TIAL1: variants seen among roughly 807,000 people sequenced by gnomAD.
TIAL1 encodes TIA1 cytotoxic granule associated RNA binding protein like 1.
In TIAL1, 7 loss-of-function variants were observed where a neutral mutation model predicts 59.7. The ratio of observed to expected loss-of-function variants is 0.12; its 90% CI spans 0.07 to 0.22. TIAL1 has a LOEUF of 0.22. Ranked by LOEUF, TIAL1 falls within the 10% of genes least tolerant of loss-of-function variation. TIAL1 has a pLI of 1.00. For synonymous variants in TIAL1, 149 were observed against 146.3 expected (o/e 1.02, Z -0.13); for missense variants, 225 against 462.5 (o/e 0.49, Z 4.71).
At chr10:119,576,548 C>T (rs759691860) in intron 11 of TIAL1, 63 bp downstream of exon 11, 1 of 1,572,618 alleles carries the variant, frequency 6.4e-7, no homozygotes, top group Admixed American at 1.9e-5. Flanking sequence ...CCTAGGAAAA[C>T]ACACTTTTAT....
intron 10 of TIAL1, 153 bp from the exon 11 acceptor site, chr10:119,576,903 C>T: frequency 7.5e-7 from 1 of 1,335,218 alleles, no homozygotes; most frequent in Non-Finnish European, 1.0e-6. Flanking sequence ...GGGGTGGTGA[C>T]ACCTGTGAAA....
At chr10:119,595,728 T>G (rs1008741665) in intron 1 of TIAL1, among the ~76,000 whole-genome samples, 6 of 152,120 alleles carry the variant, frequency 3.9e-5, no homozygotes, top group Non-Finnish European at 8.8e-5. Flanking sequence ...CAAAAGGAGT[T>G]TAACAACTGG....
At chr10:119,594,183 T>C (rs896153460) in intron 1 of TIAL1, among the ~76,000 whole-genome samples, 2 of 152,152 alleles carry the variant, frequency 1.3e-5, no homozygotes. Context: ...TTTATTCATA[T>C]GAACATGTCA....
At chr10:119,578,614 G>C (rs138646806) in intron 7 of TIAL1, 112 bp downstream of exon 7, 74 of 970,830 alleles carry the variant, frequency 7.6e-5, no homozygotes, top group Admixed American at 1.2e-4. Flanking sequence ...CTGGGCAACA[G>C]AGCAAGACCC....
Position 119,582,929 on chromosome 10 carries a change from T to A in TIAL1, c.130-372A>T, listed in dbSNP as rs1459625476. Reference sequence around the variant, plus strand: ...TACTTTCCTTCTCCAATATTATTTTTAAATTACGTTCTACTTATGCATCAT... The same window carrying A: ...TACTTTCCTTCTCCAATATTATTTTAAAATTACGTTCTACTTATGCATCAT... On this transcript the variant is annotated intron_variant, in intron 2 of 11. Coordinates refer to ENST00000436547, the MANE Select transcript of TIAL1 (RefSeq NM_003252.4). This position sits in a 1 kb window ranked among gnomAD's most constrained non-coding sequence, Gnocchi z 5.1. Among the ~76,000 whole-genome samples the A allele has an allele frequency of 1.3e-5, 2 of 152,152 alleles. No homozygotes were observed. The highest frequency in any genetic ancestry group is 2.9e-5 in the Non-Finnish European group (2 of 67,986).
At position 119,575,023 on chromosome 10, in the gene TIAL1, CTT is replaced by C. The variant is rs1844915853; in HGVS notation, c.*640_*641del. On this transcript the variant is annotated 3_prime_UTR_variant, in exon 12 of 12. Coordinates refer to ENST00000436547, the MANE Select transcript of TIAL1 (RefSeq NM_003252.4). Reference sequence around the variant, plus strand: ...ACTTTTGGAAGTTTTAAAAATATGTCTTAACGTGGACCACCAACATTTGCTCA... The same window carrying C: ...ACTTTTGGAAGTTTTAAAAATATGTCAACGTGGACCACCAACATTTGCTCA... 1 of 152,620 alleles carries C rather than the reference CTT, an allele frequency of 6.6e-6. No individual in the cohort carries two copies. The highest frequency in any genetic ancestry group is 2.4e-5 in the African/African-American group (1 of 41,446). The allele number at this position is 152,620 out of a possible 1,614,324, so 9.5% of individuals were successfully genotyped here. A position where few individuals can be genotyped will look rare whatever the true frequency, so the allele number is the denominator to read the frequency against.
chr10:119,577,633 C>T lies in TIAL1; in HGVS notation c.652+8G>A. On this transcript the variant is annotated splice_region_variant and intron_variant, in intron 8 of 11. Coordinates refer to ENST00000436547, the MANE Select transcript of TIAL1 (RefSeq NM_003252.4). ...CCTCAGAGGTGATTAGAAAACCAAA[C>T]ATTGTACCTGTTAACCCAGACGCAA... The T allele has an allele frequency of 1.9e-6, 3 of 1,613,578 alleles. No homozygotes were observed. The highest frequency in any genetic ancestry group is 2.5e-6 in the Non-Finnish European group (3 of 1,179,504).
rs1194540404 is a variant in TIAL1, at chr10:119,574,290, T to C, written c.*1375A>G. 2 of 152,194 alleles carry C rather than the reference T, an allele frequency of 1.3e-5. No homozygotes were observed. The highest frequency in any genetic ancestry group is 1.5e-5 in the Non-Finnish European group (1 of 68,024). The allele number at this position is 152,194 out of a possible 1,614,324, so 9.4% of individuals were successfully genotyped here. ...TCTGCACACATACAACTTAAGCCTC[T>C]GCTCAGGCTTATTATACCATGCACA... On this transcript the variant is annotated 3_prime_UTR_variant, in exon 12 of 12. Transcript: ENST00000436547.
chr10:119,576,998 T>G, intron 10 of TIAL1, 82 bp downstream of exon 10: 1 of 1,528,668 alleles, frequency 6.5e-7, no homozygotes, highest in African/African-American at 1.4e-5. Context: ...TTTATTTTAT[T>G]GTTCATTTTA....
chr10:119,581,733 A>G (rs919054546), intron 5 of TIAL1, 189 bp downstream of exon 5: 3 of 498,654 alleles, frequency 6.0e-6, no homozygotes. Flanking sequence ...CGAGACCCCA[A>G]GACACTGAAA....
At chr10:119,577,271 A>G (rs2133989124) in intron 9 of TIAL1, 68 bp from the exon 10 acceptor site, 1 of 1,533,212 alleles carries the variant, frequency 6.5e-7, no homozygotes, top group Non-Finnish European at 8.7e-7. Context: ...AATAACATGG[A>G]AACTCATCAG....
At chr10:119,579,552 T>C (rs1845203051) in intron 6 of TIAL1, among the ~76,000 whole-genome samples, 1 of 152,218 alleles carries the variant, frequency 6.6e-6, no homozygotes, top group Admixed American at 6.5e-5. Context: ...TATAAGAGTA[T>C]GAATAATAAT....
chr10:119,596,650 G>T lies in TIAL1; in HGVS notation c.-185C>A. The T allele has an allele frequency of 1.8e-6, 1 of 544,298 alleles. No individual in the cohort carries two copies. 33.7% of individuals were successfully genotyped at this position (544,298 alleles called of 1,614,324 possible). ...CACTGCGCTCCAACCAGGAGGAGCA[G>T]GAGGAGGAGGAGGATGAACAAAATG... is the stretch of plus-strand genomic sequence containing the variant. On this transcript the variant is annotated 5_prime_UTR_variant, in exon 1 of 12. In the 5' UTR this introduces an upstream ATG that the reference lacks. Transcript: ENST00000436547.
chr10:119,582,102 T>C lies in TIAL1; in HGVS notation c.283+67A>G. 6.3e-7 allele frequency: 1 copy of C among 1,596,764 alleles called. No individual in the cohort carries two copies. Among genetic ancestry groups the C allele is most frequent in the Non-Finnish European group, 8.5e-7 (1 of 1,170,968 alleles). On this transcript the variant is annotated intron_variant, in intron 4 of 11. Transcript: ENST00000436547. This position sits in a 1 kb window ranked among gnomAD's most constrained non-coding sequence, Gnocchi z 5.1. ...CTAGAGGAGGAAAAAAAAACCTATT[T>C]AAGCTGGTAATGCCTCCTGGATAAT... is the stretch of plus-strand genomic sequence containing the variant.
chr10:119,584,202 GACATC>G (rs1214721157), intron 2 of TIAL1, among the ~76,000 whole-genome samples: 2 of 152,002 alleles, frequency 1.3e-5, no homozygotes, highest in South Asian at 2.1e-4. Flanking sequence ...TATATTCACT[GACATC>G]ACATATTTTA....
intron 1 of TIAL1, among the ~76,000 whole-genome samples, chr10:119,591,302 G>A (rs977500668): frequency 6.6e-6 from 1 of 152,080 alleles, no homozygotes; most frequent in Non-Finnish European, 1.5e-5. Flanking sequence ...CTACTTGGGG[G>A]AGGCTGAGGC....
At chr10:119,592,817 CAAAG>C (rs1564746618) in intron 1 of TIAL1, among the ~76,000 whole-genome samples, 2 of 151,682 alleles carry the variant, frequency 1.3e-5, no homozygotes, top group Non-Finnish European at 2.9e-5. Context: ...TTTAAAGAAA[CAAAG>C]AATATGATTA....
intron 1 of TIAL1, among the ~76,000 whole-genome samples, chr10:119,589,461 C>T (rs1386745586): frequency 6.6e-6 from 1 of 152,198 alleles, no homozygotes; most frequent in African/African-American, 2.4e-5. Flanking sequence ...CTGCCTGAGT[C>T]TCCCAAAGTG....
chr10:119,594,526 G>C (rs544677780), intron 1 of TIAL1, among the ~76,000 whole-genome samples: 221 of 152,276 alleles, frequency 1.5e-3, no homozygotes, highest in African/African-American at 5.1e-3. Context: ...TTAAATACAT[G>C]TTAGCTAGTC....
Sources: allele counts gnomAD v4.1 joint callset (sites outside exome capture counted in the v4.1 genomes callset), GRCh38; gene constraint gnomAD v4.1.1; non-coding constraint Gnocchi (gnomAD v3.1); transcripts MANE v1.5; gene names NCBI Gene and HGNC (gene_info 2026-07-23, HGNC 2026-07-21).